FRAS1: variants seen among roughly 807,000 people sequenced by gnomAD.
The protein encoded by FRAS1 is Fraser extracellular matrix complex subunit 1.
A neutral mutation model predicts 435.2 loss-of-function variants in FRAS1; 290 were observed. That is an observed-to-expected ratio of 0.67 (90% CI 0.61 to 0.73). The LOEUF (loss-of-function observed/expected upper bound fraction) is 0.73. Ranked by LOEUF, FRAS1 falls within the 30% of genes least tolerant of loss-of-function variation. The pLI, the probability that FRAS1 is intolerant of heterozygous loss-of-function variation, is 0.00. For missense variants in FRAS1, 4,860 were observed against 5,001.5 expected (o/e 0.97, Z 0.85); for synonymous variants, 1,800 against 1,851.0 (o/e 0.97, Z 0.71).
In FRAS1 at chr4:78,063,178, C is replaced by T. The variant is rs192805851; in HGVS notation, c.77-2807C>T. 3.3e-5 allele frequency among the ~76,000 whole-genome samples: 5 copies of T among 152,230 alleles called. No individual in the cohort carries two copies. The East Asian group carries it at 9.6e-4, about 29-fold the overall frequency. ...TTGTTTTCCATATTATGTGAACTGA[C>T]GGATTAGTGAAAAGACCTCCACTCT... On this transcript the variant is annotated intron_variant, in intron 1 of 73. Transcript: ENST00000512123.
At chr4:78,424,262 A>G in intron 34 of FRAS1, 126 bp from the exon 35 acceptor site, 1 of 476,614 alleles carries the variant, frequency 2.1e-6, no homozygotes, top group Non-Finnish European at 3.7e-6. Flanking sequence ...ATCTTTCCTT[A>G]AAAAAGAATA....
At chr4:78,113,492 G>T (rs941364377) in intron 2 of FRAS1, among the ~76,000 whole-genome samples, 5 of 152,140 alleles carry the variant, frequency 3.3e-5, no homozygotes, top group Non-Finnish European at 5.9e-5. Context: ...AGCACCTGTT[G>T]TTTCCTGACT....
chr4:78,430,215 C>A, intron 36 of FRAS1, 77 bp from the exon 37 acceptor site: 1 of 1,569,096 alleles, frequency 6.4e-7, no homozygotes, highest in Non-Finnish European at 8.7e-7. Context: ...CCTAGCCTGG[C>A]CTGCGGTTTT....
At chr4:78,496,026 T>C (rs1720499309) in intron 59 of FRAS1, among the ~76,000 whole-genome samples, 2 of 152,232 alleles carry the variant, frequency 1.3e-5, no homozygotes, top group South Asian at 4.1e-4. Flanking sequence ...TCTACTCATA[T>C]ATCCTTTGCA....
At position 78,359,960 on chromosome 4, in the gene FRAS1, T is replaced by C. The variant is rs546325260; in HGVS notation, c.2423-3553T>C. ...GCAGAGGCCCTGAGTAATTTCAGAGTCTCTCCAACTCTTCAGACCTTTCCA... is the reference window on the plus strand; with the variant it reads ...GCAGAGGCCCTGAGTAATTTCAGAGCCTCTCCAACTCTTCAGACCTTTCCA... On this transcript the variant is annotated intron_variant, in intron 20 of 73. Coordinates refer to ENST00000512123, the MANE Select transcript of FRAS1 (RefSeq NM_025074.7). Among the ~76,000 whole-genome samples, 106 of 152,148 alleles carry C rather than the reference T, an allele frequency of 7.0e-4. 1 individual carries two copies. Among genetic ancestry groups the C allele is most frequent in the African/African-American group, 2.5e-3 (104 of 41,482 alleles).
At chr4:78,255,468 T>C in intron 6 of FRAS1, 93 bp downstream of exon 6, 1 of 1,295,632 alleles carries the variant, frequency 7.7e-7, no homozygotes, top group African/African-American at 1.5e-5. Context: ...TCAGAAGCAC[T>C]AGAAACAAGA....
At chr4:78,236,305 TTTA>T (rs1724758877) in intron 2 of FRAS1, among the ~76,000 whole-genome samples, 2 of 141,010 alleles carry the variant, frequency 1.4e-5, no homozygotes, top group Non-Finnish European at 3.1e-5. Context: ...TATTTATTTA[TTTA>T]TTTTTTGGCT....
chr4:78,061,738 C>G (rs1739769938), intron 1 of FRAS1, among the ~76,000 whole-genome samples: 1 of 152,120 alleles, frequency 6.6e-6, no homozygotes, highest in South Asian at 2.1e-4. Flanking sequence ...ATTCTGCAAG[C>G]CTTTATTGAG....
intron 2 of FRAS1, among the ~76,000 whole-genome samples, chr4:78,114,907 C>G (rs1743039380): frequency 6.6e-6 from 1 of 152,086 alleles, no homozygotes; most frequent in Non-Finnish European, 1.5e-5. Context: ...TGTCTTGTGC[C>G]AGTTTTCAAA....
intron 21 of FRAS1, 79 bp downstream of exon 21, chr4:78,363,744 T>C: frequency 6.7e-7 from 1 of 1,482,696 alleles, no homozygotes; most frequent in Non-Finnish European, 9.2e-7. Context: ...GATCAACCTT[T>C]CCTAAGAGAG....
intron 14 of FRAS1, 77 bp downstream of exon 14, chr4:78,286,616 G>A: frequency 6.7e-7 from 1 of 1,494,416 alleles, no homozygotes; most frequent in Non-Finnish European, 9.1e-7. Flanking sequence ...GTGATCTGGG[G>A]ACACCAGGAG....
Position 78,257,184 on chromosome 4 carries a change from A to G in FRAS1, c.603+1809A>G, listed in dbSNP as rs576644896. 2.7e-4 allele frequency among the ~76,000 whole-genome samples: 41 copies of G among 152,328 alleles called. 1 individual carries two copies. The South Asian group carries it at 8.3e-3, about 31-fold the overall frequency. ...TCCAGAGAGTGTAAGTAACTTGCTC[A>G]AAGTGTCAGCACTTTTAACCTAAAC... is the stretch of plus-strand genomic sequence containing the variant. On this transcript the variant is annotated intron_variant, in intron 6 of 73. Transcript: ENST00000512123.
chr4:78,499,756 G>C lies in FRAS1; in HGVS notation c.9151G>C (p.Val3051Leu). ...TGAGTTTGAAGAAGCTGCATACCAA[G>C]TCCGGGAACCCGCAGGCCCAGATGC... ...TIEFEEAAYQ[V>L]REPAGPDAIA... The change falls in exon 61 of 74, where the codon GTC (valine) becomes CTC (leucine). Residue 3051 changes from valine (V) to leucine (L), a missense_variant. Physicochemically the swap from Val to Leu is conservative, Grantham distance 32. Coordinates refer to ENST00000512123, the MANE Select transcript of FRAS1 (RefSeq NM_025074.7). 1 of 1,613,892 alleles carries C rather than the reference G, an allele frequency of 6.2e-7. No individual in the cohort carries two copies. Among genetic ancestry groups the C allele is most frequent in the Non-Finnish European group, 8.5e-7 (1 of 1,179,834 alleles).
chr4:78,492,154 A>G (rs1162370840), intron 59 of FRAS1, among the ~76,000 whole-genome samples: 1 of 152,226 alleles, frequency 6.6e-6, no homozygotes, highest in Admixed American at 6.5e-5. Flanking sequence ...AAGAGAGGAC[A>G]CAAATGGAAA....
At chr4:78,293,378 G>A (rs956383186) in intron 14 of FRAS1, among the ~76,000 whole-genome samples, 5 of 152,160 alleles carry the variant, frequency 3.3e-5, no homozygotes, top group African/African-American at 9.7e-5. Flanking sequence ...GCAATCAACA[G>A]AAATGTACAG....
At chr4:78,117,354 A>G (rs988917344) in intron 2 of FRAS1, among the ~76,000 whole-genome samples, 2 of 152,082 alleles carry the variant, frequency 1.3e-5, no homozygotes, top group South Asian at 2.1e-4. Flanking sequence ...CGTTCTCTAT[A>G]TTTCCTACAT....
At chr4:78,149,825 C>T (rs1036597295) in intron 2 of FRAS1, among the ~76,000 whole-genome samples, 7 of 152,160 alleles carry the variant, frequency 4.6e-5, no homozygotes, top group African/African-American at 1.7e-4. Context: ...GGAAAGCAGG[C>T]TGGTGAGAGC....
chr4:78,280,442 G>A (rs1189263963), intron 10 of FRAS1, among the ~76,000 whole-genome samples: 1 of 152,152 alleles, frequency 6.6e-6, no homozygotes. Context: ...ATTAAAAACT[G>A]ATGAATTTTT....
At chr4:78,505,134 C>T (rs568234961) in intron 61 of FRAS1, among the ~76,000 whole-genome samples, 2 of 152,314 alleles carry the variant, frequency 1.3e-5, no homozygotes, top group South Asian at 4.1e-4. Flanking sequence ...GGTAATCCGA[C>T]CTTTCTCTCT....
Sources: gnomAD v4.1 joint callset for allele counts (sites outside exome capture counted in the v4.1 genomes callset) on GRCh38, gnomAD v4.1.1 for gene constraint, MANE v1.5 for transcripts, NCBI Gene and HGNC (gene_info 2026-07-23, HGNC 2026-07-21) for gene names.